NSMCE2: variants seen among roughly 807,000 people sequenced by gnomAD.
NSMCE2 encodes E3 SUMO-protein ligase NSE2.
In NSMCE2, 24 loss-of-function variants were observed where a neutral mutation model predicts 23.8. The ratio of observed to expected loss-of-function variants is 1.01; its 90% CI spans 0.73 to 1.42. The LOEUF (loss-of-function observed/expected upper bound fraction) is 1.42. Ranked by LOEUF, NSMCE2 falls within the 40% of genes most tolerant of loss-of-function variation. NSMCE2 has a pLI of 0.00. For missense variants in NSMCE2, 284 were observed against 296.5 expected, an observed-to-expected ratio of 0.96 and a Z score of 0.31; for synonymous variants, 92 against 94.1, an observed-to-expected ratio of 0.98 and a Z score of 0.13.
intron 3 of NSMCE2, among the ~76,000 whole-genome samples, chr8:125,119,889 CATTATTTATATATGTAAAGCATT>C (rs1413506301): frequency 4.6e-5 from 7 of 151,884 alleles, no homozygotes; most frequent in East Asian, 1.9e-4. Context: ...AAATGTAAAG[CATTATTTATATATGTAAAGCATT>C]ATTATTTATA....
intron 5 of NSMCE2, among the ~76,000 whole-genome samples, chr8:125,306,006 A>G (rs1828741869): frequency 6.6e-6 from 1 of 152,190 alleles, no homozygotes; most frequent in Non-Finnish European, 1.5e-5. Context: ...TAGCCAGGCA[A>G]TTAGGATTAC....
intron 3 of NSMCE2, among the ~76,000 whole-genome samples, chr8:125,111,233 A>G (rs1207237608): frequency 1.3e-5 from 2 of 152,214 alleles, no homozygotes; most frequent in Non-Finnish European, 2.9e-5. Flanking sequence ...AAAGTGAAAA[A>G]TTACATGGTC....
At chr8:125,162,164 AAGTAT>A (rs1821661785) in intron 4 of NSMCE2, among the ~76,000 whole-genome samples, 1 of 152,178 alleles carries the variant, frequency 6.6e-6, no homozygotes, top group African/African-American at 2.4e-5. Flanking sequence ...TTGACACATG[AAGTAT>A]AGTTAGGCCA....
At chr8:125,114,625 G>A (rs550661256) in intron 3 of NSMCE2, among the ~76,000 whole-genome samples, 1 of 152,338 alleles carries the variant, frequency 6.6e-6, no homozygotes, top group Non-Finnish European at 1.5e-5. Flanking sequence ...CGGGGAGCAT[G>A]TGTGCCCTGG....
At chr8:125,323,373 T>C (rs552352450) in intron 5 of NSMCE2, among the ~76,000 whole-genome samples, 11 of 152,292 alleles carry the variant, frequency 7.2e-5, no homozygotes, top group African/African-American at 2.4e-4. Flanking sequence ...AGGACAAAGT[T>C]AGAGAACTTA....
intron 5 of NSMCE2, among the ~76,000 whole-genome samples, chr8:125,329,623 T>C (rs1005019252): frequency 6.6e-6 from 1 of 152,168 alleles, no homozygotes; most frequent in Non-Finnish European, 1.5e-5. Flanking sequence ...GGACAAACCT[T>C]GGGAGTCTGG....
intron 4 of NSMCE2, among the ~76,000 whole-genome samples, chr8:125,171,818 C>T (rs1421787937): frequency 6.6e-6 from 1 of 152,212 alleles, no homozygotes; most frequent in Non-Finnish European, 1.5e-5. Flanking sequence ...TCTAAGTCAG[C>T]ACTTCCCAGT....
chr8:125,240,162 G>C lies in NSMCE2; in HGVS notation c.418+57906G>C, dbSNP rs183680863. Reference sequence around the variant, plus strand: ...TTTTTTTGAGACGGAGTCTTGCTCTGTCTCCCAGGCTGGAGTGCAGTGGCA... The same window carrying C: ...TTTTTTTGAGACGGAGTCTTGCTCTCTCTCCCAGGCTGGAGTGCAGTGGCA... On this transcript the variant is annotated intron_variant, in intron 5 of 7. Coordinates refer to ENST00000287437, the MANE Select transcript of NSMCE2 (RefSeq NM_173685.4). Among the ~76,000 whole-genome samples, 331 of 144,790 alleles carry C rather than the reference G, an allele frequency of 2.3e-3. 2 individuals carry two copies. Among genetic ancestry groups the C allele is most frequent in the Non-Finnish European group, 2.8e-3 (188 of 66,770 alleles). 95.0% of individuals were successfully genotyped at this position (144,790 alleles called of 152,430 possible). A position where few individuals can be genotyped will look rare whatever the true frequency, so the allele number is the denominator to read the frequency against.
chr8:125,288,834 G>A (rs1003356143), intron 5 of NSMCE2, among the ~76,000 whole-genome samples: 11 of 151,678 alleles, frequency 7.3e-5, no homozygotes, highest in East Asian at 5.8e-4. Flanking sequence ...TTGCAGTCTC[G>A]CCCTAGCTGG....
rs566421030 is a variant in NSMCE2, at chr8:125,283,097, G to C, written c.419-74122G>C. Among the ~76,000 whole-genome samples the C allele has an allele frequency of 2.2e-4, 33 of 152,298 alleles. 1 individual carries two copies. In the East Asian group the frequency reaches 6.0e-3, roughly 28 times the overall value. ...TTTTTCACATCAGTAAGTGGAAAGA[G>C]TAATAATATCTACATCATAGAGTTA... On this transcript the variant is annotated intron_variant, in intron 5 of 7. Coordinates refer to ENST00000287437, the MANE Select transcript of NSMCE2 (RefSeq NM_173685.4).
intron 5 of NSMCE2, among the ~76,000 whole-genome samples, chr8:125,295,181 C>G (rs1373915807): frequency 6.6e-6 from 1 of 152,138 alleles, no homozygotes; most frequent in Admixed American, 6.5e-5. Flanking sequence ...TTTTTAGCCC[C>G]TTGCTTATAT....
In NSMCE2 at chr8:125,130,990, T is replaced by C. The variant is rs1229833879; in HGVS notation, c.158-20181T>C. ...GCTTAGGGTTTACGGACAGTTCTTTTGCCTTTAGTGTTATGGTTTTCAGTC... is the reference window on the plus strand; with the variant it reads ...GCTTAGGGTTTACGGACAGTTCTTTCGCCTTTAGTGTTATGGTTTTCAGTC... On this transcript the variant is annotated intron_variant, in intron 3 of 7. Transcript: ENST00000287437. Among the ~76,000 whole-genome samples the C allele has an allele frequency of 2.0e-5, 3 of 152,236 alleles. 1 individual carries two copies. The highest frequency in any genetic ancestry group is 2.0e-4 in the Admixed American group (3 of 15,282).
In NSMCE2 at chr8:125,143,874, G is replaced by T. The variant is rs557594070; in HGVS notation, c.158-7297G>T. On this transcript the variant is annotated intron_variant, in intron 3 of 7. Coordinates refer to ENST00000287437, the MANE Select transcript of NSMCE2 (RefSeq NM_173685.4). ...GTGTCCCAGTTGTAAAGGTAAAGAA[G>T]TTTTGTAGACCCATAAGGTATGAAG... is the stretch of plus-strand genomic sequence containing the variant. Among the ~76,000 whole-genome samples, 297 of 152,256 alleles carry T rather than the reference G, an allele frequency of 2.0e-3. 1 individual carries two copies. Among genetic ancestry groups the T allele is most frequent in the African/African-American group, 7.0e-3 (289 of 41,558 alleles).
intron 5 of NSMCE2, among the ~76,000 whole-genome samples, chr8:125,327,126 C>T (rs1408732249): frequency 6.7e-6 from 1 of 149,544 alleles, no homozygotes; most frequent in East Asian, 2.0e-4. Flanking sequence ...AATTAGCCGG[C>T]GTGGTGGCGA....
chr8:125,189,170 T>G (rs1451550026), intron 5 of NSMCE2, among the ~76,000 whole-genome samples: 1 of 152,192 alleles, frequency 6.6e-6, no homozygotes, highest in African/African-American at 2.4e-5. Flanking sequence ...AAAGGACCTC[T>G]CAGCAAGGCA....
At chr8:125,177,819 T>G (rs1190355427) in intron 4 of NSMCE2, among the ~76,000 whole-genome samples, 2 of 152,206 alleles carry the variant, frequency 1.3e-5, no homozygotes, top group Non-Finnish European at 2.9e-5. Context: ...TTTTCAGAGT[T>G]CCTTTTGCAT....
chr8:125,146,292 G>A (rs1820671548), intron 3 of NSMCE2, among the ~76,000 whole-genome samples: 1 of 152,212 alleles, frequency 6.6e-6, no homozygotes, highest in African/African-American at 2.4e-5. Flanking sequence ...AGACTTGGCA[G>A]TTAGAAAGCC....
At chr8:125,215,240 G>A (rs1318007226) in intron 5 of NSMCE2, among the ~76,000 whole-genome samples, 1 of 137,620 alleles carries the variant, frequency 7.3e-6, no homozygotes, top group Non-Finnish European at 1.5e-5. Flanking sequence ...CCCTTCCTGT[G>A]TCCATGTGTT....
chr8:125,138,029 G>A (rs1363683140), intron 3 of NSMCE2, among the ~76,000 whole-genome samples: 1 of 152,200 alleles, frequency 6.6e-6, no homozygotes, highest in Non-Finnish European at 1.5e-5. Flanking sequence ...AGGGAGACTA[G>A]CTGATGAATT....
Sources: allele counts gnomAD v4.1 joint callset (sites outside exome capture counted in the v4.1 genomes callset), GRCh38; gene constraint gnomAD v4.1.1; transcripts MANE v1.5; gene names NCBI Gene and HGNC (gene_info 2026-07-23, HGNC 2026-07-21).